CTNNA2: variants seen among roughly 807,000 people sequenced by gnomAD.
CTNNA2 encodes catenin alpha-2.
CTNNA2 carries 42 observed loss-of-function variants against 101.0 expected under a neutral mutation model. That is an observed-to-expected ratio of 0.42 (90% confidence interval 0.32 to 0.54). The LOEUF (loss-of-function observed/expected upper bound fraction) is 0.54, where lower values mean the gene tolerates loss of function less well. Among genes scored for constraint, CTNNA2 ranks in the 20% least tolerant of loss-of-function variants. The pLI, the probability that CTNNA2 is intolerant of heterozygous loss-of-function variation, is 0.14. For missense variants in CTNNA2, 871 were observed against 1,223.1 expected (o/e 0.71, Z 4.29); for synonymous variants, 450 against 456.4 (o/e 0.99, Z 0.18).
chr2:80,448,570 G>C (rs916310283), intron 9 of CTNNA2, among the ~76,000 whole-genome samples: 8 of 152,254 alleles, frequency 5.3e-5, no homozygotes, highest in Middle Eastern at 3.4e-3. Context: ...CTGGGGCCTG[G>C]GTGTCACTAA....
At chr2:80,216,839 A>ATT (rs5832441) in intron 7 of CTNNA2, among the ~76,000 whole-genome samples, 2 of 136,080 alleles carry the variant, frequency 1.5e-5, no homozygotes, top group African/African-American at 2.8e-5. Flanking sequence ...AGCTATTTCC[A>ATT]TTTTTTTTTT....
chr2:79,986,035 A>G (rs868008534), intron 7 of CTNNA2, among the ~76,000 whole-genome samples: 4 of 152,182 alleles, frequency 2.6e-5, no homozygotes, highest in Middle Eastern at 3.2e-3. Flanking sequence ...TTGGAAGTAC[A>G]TGGGATAGGT....
chr2:79,801,583 C>CGG lies in CTNNA2; in HGVS notation c.299-56426_299-56425dup, dbSNP rs11447058. On this transcript the variant is annotated intron_variant, in intron 3 of 18. Transcript: ENST00000402739. ...AGATTCCCAGCAGTAGCAGTGCATA[C>CGG]GGGGGCTCACAGACCCACTCTATGT... 3.1e-3 allele frequency among the ~76,000 whole-genome samples: 465 copies of CGG among 151,850 alleles called. 1 individual carries two copies. Among genetic ancestry groups the CGG allele is most frequent in the African/African-American group, 0.011 (441 of 41,380 alleles).
intron 7 of CTNNA2, among the ~76,000 whole-genome samples, chr2:80,319,478 G>T (rs1001591547): frequency 2.6e-5 from 4 of 152,154 alleles, no homozygotes; most frequent in African/African-American, 9.7e-5. Flanking sequence ...CATTGCAAAG[G>T]CTTTAGAAAT....
chr2:80,488,316 TG>T (rs1264005184), intron 9 of CTNNA2, among the ~76,000 whole-genome samples: 1 of 152,148 alleles, frequency 6.6e-6, no homozygotes, highest in African/African-American at 2.4e-5. Context: ...TATTTATTTT[TG>T]TTTTTTTTCC....
chr2:79,876,504 T>G (rs1683036808), intron 6 of CTNNA2, among the ~76,000 whole-genome samples: 1 of 152,216 alleles, frequency 6.6e-6, no homozygotes, highest in Admixed American at 6.5e-5. Flanking sequence ...TAATTTATTT[T>G]ATAATCAAAA....
intron 3 of CTNNA2, among the ~76,000 whole-genome samples, chr2:79,751,716 A>C (rs982295561): frequency 2.0e-5 from 3 of 152,032 alleles, no homozygotes; most frequent in African/African-American, 7.2e-5. Flanking sequence ...GGAGGACAGA[A>C]GCTATCTACC....
At chr2:79,320,710 G>T (rs1341793352) in intron 3 of CTNNA2, among the ~76,000 whole-genome samples, 1 of 152,104 alleles carries the variant, frequency 6.6e-6, no homozygotes, top group Non-Finnish European at 1.5e-5. Context: ...TGTGAGCATG[G>T]ATCAGAATCT....
intron 7 of CTNNA2, among the ~76,000 whole-genome samples, chr2:80,010,520 T>C (rs1693703805): frequency 6.6e-6 from 1 of 152,110 alleles, no homozygotes; most frequent in Non-Finnish European, 1.5e-5. Flanking sequence ...CCAGGGCTGG[T>C]CTTGAACTCC....
intron 4 of CTNNA2, among the ~76,000 whole-genome samples, chr2:79,424,732 G>A (rs1212061238): frequency 6.6e-6 from 1 of 152,008 alleles, no homozygotes; most frequent in Non-Finnish European, 1.5e-5. Flanking sequence ...AAGCAGGAGG[G>A]TAGTTCTTTA....
intron 3 of CTNNA2, among the ~76,000 whole-genome samples, chr2:79,806,950 A>G (rs1010000976): frequency 1.3e-5 from 2 of 151,970 alleles, no homozygotes; most frequent in African/African-American, 4.8e-5. Flanking sequence ...CTTTATCCTA[A>G]AACAAAACTC....
chr2:80,390,208 C>T (rs934433276), intron 7 of CTNNA2, among the ~76,000 whole-genome samples: 1 of 152,198 alleles, frequency 6.6e-6, no homozygotes, highest in African/African-American at 2.4e-5. Context: ...CTAATTTTCT[C>T]TTTCCTCTGT....
chr2:79,367,381 G>A (rs147528087), intron 3 of CTNNA2, among the ~76,000 whole-genome samples: 7 of 152,252 alleles, frequency 4.6e-5, no homozygotes, highest in Admixed American at 2.0e-4. Flanking sequence ...AAAAGAACAC[G>A]CAAATAAGGG....
At chr2:79,665,515 C>T (rs553640573) in intron 2 of CTNNA2, among the ~76,000 whole-genome samples, 40 of 152,216 alleles carry the variant, frequency 2.6e-4, no homozygotes, top group Non-Finnish European at 5.6e-4. Context: ...GTGCCCTCCT[C>T]TGAGAAATGG....
At chr2:80,253,394 A>G (rs1354273958) in intron 7 of CTNNA2, among the ~76,000 whole-genome samples, 1 of 152,198 alleles carries the variant, frequency 6.6e-6, no homozygotes, top group Non-Finnish European at 1.5e-5. Context: ...GTATGTCCAG[A>G]TACACAACTT....
intron 4 of CTNNA2, among the ~76,000 whole-genome samples, chr2:79,465,267 C>G (rs921778635): frequency 6.6e-6 from 1 of 152,138 alleles, no homozygotes; most frequent in Non-Finnish European, 1.5e-5. Flanking sequence ...TTGTTTTTGT[C>G]AGGTTCATCA....
intron 7 of CTNNA2, among the ~76,000 whole-genome samples, chr2:80,092,720 G>A (rs777695858): frequency 6.6e-5 from 10 of 152,020 alleles, no homozygotes; most frequent in African/African-American, 1.2e-4. Flanking sequence ...CTGCTTACTG[G>A]CCTAGCTGCT....
chr2:80,268,655 A>G (rs557859751), intron 7 of CTNNA2, among the ~76,000 whole-genome samples: 1 of 152,342 alleles, frequency 6.6e-6, no homozygotes, highest in South Asian at 2.1e-4. Context: ...AATAATCTCA[A>G]GCTGCCTTGT....
At chr2:79,734,937 A>G (rs1340819250) in intron 2 of CTNNA2, among the ~76,000 whole-genome samples, 1 of 152,176 alleles carries the variant, frequency 6.6e-6, no homozygotes, top group Admixed American at 6.5e-5. Context: ...GCATCCTATG[A>G]CTTTGTGCAG....
Sources: gnomAD v4.1 joint callset for allele counts (sites outside exome capture counted in the v4.1 genomes callset) on GRCh38, gnomAD v4.1.1 for gene constraint, MANE v1.5 for transcripts, NCBI Gene and HGNC (gene_info 2026-07-23, HGNC 2026-07-21) for gene names.